Variants in SMU1 observed in about 807,000 individuals in gnomAD.
SMU1 encodes SMU1 DNA replication regulator and spliceosomal factor, also known as WD40 repeat-containing protein SMU1.
A neutral mutation model predicts 62.0 loss-of-function variants in SMU1; 2 were observed. The ratio of observed to expected loss-of-function variants is 0.03; its 90% CI spans 0.01 to 0.10. The LOEUF (loss-of-function observed/expected upper bound fraction) is 0.10. Ranked by LOEUF, SMU1 falls within the 10% of genes least tolerant of loss-of-function variation. The pLI, the probability that SMU1 is intolerant of heterozygous loss-of-function variation, is 1.00. For synonymous variants in SMU1, 188 were observed against 212.4 expected (o/e 0.89, Z 1.00); for missense variants, 227 against 622.1 (o/e 0.36, Z 6.76).
At chr9:33,070,180 C>T (rs1396609207) in intron 3 of SMU1, among the ~76,000 whole-genome samples, 1 of 151,930 alleles carries the variant, frequency 6.6e-6, no homozygotes, top group Non-Finnish European at 1.5e-5. Flanking sequence ...AACAACTCTA[C>T]GGGAAAAAAA....
chr9:33,075,143 G>A (rs1481779059), intron 1 of SMU1, among the ~76,000 whole-genome samples: 4 of 152,164 alleles, frequency 2.6e-5, no homozygotes, highest in Non-Finnish European at 4.4e-5. Flanking sequence ...TTGGAAGGCC[G>A]AGGCGGGCAG....
chr9:33,053,078 G>A (rs972252163), intron 10 of SMU1, 45 bp downstream of exon 10: 1 of 1,576,480 alleles, frequency 6.3e-7, no homozygotes, highest in Non-Finnish European at 8.7e-7. Context: ...GCTGATTTGG[G>A]AATGGCCCAC....
At position 33,044,892 on chromosome 9, in the gene SMU1, G is replaced by A. The variant is rs1839166983; in HGVS notation, c.*2401C>T. On this transcript the variant is annotated 3_prime_UTR_variant, in exon 12 of 12. Coordinates refer to ENST00000397149, the MANE Select transcript of SMU1 (RefSeq NM_018225.3). The stretch of plus-strand genomic sequence containing the variant: ...TCCCCGGTTAGGTTCCCTGTGCTTA[G>A]ACCGCCCCCTAGTCCCTCCAGGAAG... 6.6e-6 allele frequency: 1 copy of A among 152,220 alleles called. No individual in the cohort carries two copies. 9.4% of individuals were successfully genotyped at this position (152,220 alleles called of 1,614,324 possible).
intron 2 of SMU1, among the ~76,000 whole-genome samples, chr9:33,072,828 C>CA (rs768630155): frequency 0.13 from 10,936 of 81,500 alleles, 552 homozygotes; most frequent in Non-Finnish European, 0.18. Context: ...GACTCTGTCT[C>CA]AAAAAAAAAA....
chr9:33,073,383 C>T (rs1007715771), intron 2 of SMU1, among the ~76,000 whole-genome samples: 9 of 152,090 alleles, frequency 5.9e-5, no homozygotes, highest in African/African-American at 2.2e-4. Flanking sequence ...GGTAACAGAA[C>T]AAGATCCAGT....
rs1014680622 is a variant in SMU1 at position 33,064,384 on chromosome 9, T to G, written c.502-2207A>C. On this transcript the variant is annotated intron_variant, in intron 4 of 11. Coordinates refer to ENST00000397149, the MANE Select transcript of SMU1 (RefSeq NM_018225.3). ...GATAGATTATATTATCTCCCAGTGT[T>G]TTTCTATTATCTTAAAATATCTAAC... 2.0e-5 allele frequency among the ~76,000 whole-genome samples: 3 copies of G among 152,334 alleles called. No individual in the cohort carries two copies. The East Asian group carries it at 5.8e-4, about 29-fold the overall frequency.
chr9:33,070,419 C>T (rs1024760220), intron 3 of SMU1, among the ~76,000 whole-genome samples: 31 of 152,284 alleles, frequency 2.0e-4, no homozygotes, highest in African/African-American at 5.3e-4. Flanking sequence ...AAGGAACCCT[C>T]GTACACTATT....
At position 33,060,601 on chromosome 9, in the gene SMU1, A is replaced by C; in HGVS notation, c.631-17T>G. On this transcript the variant is annotated splice_polypyrimidine_tract_variant and intron_variant, in intron 5 of 11. Transcript: ENST00000397149. ...CTGACCAAACTGTTTCAAATGAAACAATGAAACAGATGCATTTTTATCTAG... is the reference window on the plus strand; with the variant it reads ...CTGACCAAACTGTTTCAAATGAAACCATGAAACAGATGCATTTTTATCTAG... The C allele has an allele frequency of 1.2e-6, 2 of 1,603,530 alleles. No homozygotes were observed. Among genetic ancestry groups the C allele is most frequent in the Non-Finnish European group, 1.7e-6 (2 of 1,177,774 alleles).
At chr9:33,056,286 T>C in intron 8 of SMU1, 47 bp from the exon 9 acceptor site, 1 of 1,561,768 alleles carries the variant, frequency 6.4e-7, no homozygotes, top group South Asian at 1.2e-5. Flanking sequence ...TTTAATATCT[T>C]ATGGTTGTGA....
intron 10 of SMU1, among the ~76,000 whole-genome samples, chr9:33,051,210 A>G (rs141849895): frequency 4.2e-4 from 64 of 152,328 alleles, no homozygotes; most frequent in Non-Finnish European, 8.1e-4. Context: ...TAAGAAGTCA[A>G]AATGAAAAAG....
intron 1 of SMU1, among the ~76,000 whole-genome samples, chr9:33,074,713 G>T (rs575767782): frequency 6.6e-6 from 1 of 151,774 alleles, no homozygotes; most frequent in Non-Finnish European, 1.5e-5. Flanking sequence ...GAAAAATCAG[G>T]ACTCAAACTG....
At chr9:33,056,030 A>G (rs1839300057) in intron 9 of SMU1, 83 bp downstream of exon 9, 1 of 1,383,794 alleles carries the variant, frequency 7.2e-7, no homozygotes, top group Non-Finnish European at 9.8e-7. Context: ...CAGCACAATC[A>G]TTCCCATTAT....
rs1839512852 is a variant in SMU1 at position 33,073,793 on chromosome 9, T to C, written c.40A>G (p.Ile14Val). The C allele has an allele frequency of 6.2e-7, 1 of 1,613,998 alleles. No homozygotes were observed. The highest frequency in any genetic ancestry group is 8.5e-7 in the Non-Finnish European group (1 of 1,179,986). The change falls in exon 2 of 12, where the codon ATT (isoleucine) becomes GTT (valine). Residue 14 changes from isoleucine to valine, a missense_variant. Physicochemically the swap from Ile to Val is conservative, Grantham distance 29. Coordinates refer to ENST00000397149, the MANE Select transcript of SMU1 (RefSeq NM_018225.3). ...EIESSDVIRL[I>V]MQYLKENSLH... is the part of the protein sequence containing the mutation. ...CTGTTCTCCTTCAAGTACTGCATAA[T>C]AAGGCGGATCACACTGAAAGAAAAC...
chr9:33,060,411 T>C (rs918985295), intron 6 of SMU1, 54 bp downstream of exon 6: 1 of 1,497,920 alleles, frequency 6.7e-7, no homozygotes, highest in African/African-American at 1.4e-5. Flanking sequence ...AGGTAAGTAA[T>C]TCAAAGCAGG....
chr9:33,053,351 G>A, intron 9 of SMU1, 61 bp from the exon 10 acceptor site: 3 of 1,487,976 alleles, frequency 2.0e-6, no homozygotes, highest in Non-Finnish European at 2.7e-6. Flanking sequence ...TAAAGTTTTA[G>A]GGTTTAAAAT....
rs2117886001 is a variant in SMU1 at position 33,073,871 on chromosome 9, T to C, written c.27-65A>G. ...CACCAGAGGTCAAAAATAAAGCCTA[T>C]CAAGCTCCTACTCAATCATCTTCCT... On this transcript the variant is annotated intron_variant, in intron 1 of 11. Coordinates refer to ENST00000397149, the MANE Select transcript of SMU1 (RefSeq NM_018225.3). 14 of 1,422,512 alleles carry C rather than the reference T, an allele frequency of 9.8e-6. 1 individual carries two copies. The highest frequency in any genetic ancestry group is 3.6e-5 in the South Asian group (3 of 82,554). The allele number at this position is 1,422,512 out of a possible 1,614,324, so 88.1% of individuals were successfully genotyped here.
chr9:33,056,858 G>A lies in SMU1; in HGVS notation c.974C>T (p.Ala325Val), dbSNP rs1839309634. The change falls in exon 8 of 12, where the codon GCT (alanine) becomes GTT (valine). Residue 325 changes from alanine (A) to valine (V), a missense_variant. Physicochemically the swap from Ala to Val is moderately conservative, Grantham distance 64. This residue lies in a region of SMU1 where 98 missense variants were observed against 195.9 expected (regional missense o/e 0.50). Coordinates refer to ENST00000397149, the MANE Select transcript of SMU1 (RefSeq NM_018225.3). ...FSKDSSQILS[A>V]SFDQTIRIHG... ...TTACCTAATTGTCTGGTCAAAAGAA[G>A]CACTAAGGATCTGACTGCTATCCTT... The A allele has an allele frequency of 6.2e-7, 1 of 1,611,968 alleles. No individual in the cohort carries two copies. Among genetic ancestry groups the A allele is most frequent in the African/African-American group, 1.3e-5 (1 of 74,750 alleles).
intron 10 of SMU1, among the ~76,000 whole-genome samples, chr9:33,051,348 T>TG (rs1395287310): frequency 6.6e-6 from 1 of 152,148 alleles, no homozygotes; most frequent in Non-Finnish European, 1.5e-5. Context: ...AGAGAATTTC[T>TG]GGGAAGTGAA....
intron 4 of SMU1, among the ~76,000 whole-genome samples, chr9:33,062,496 C>A (rs536576803): frequency 6.6e-6 from 1 of 152,154 alleles, no homozygotes; most frequent in Admixed American, 6.6e-5. Flanking sequence ...CAAACACACC[C>A]ACTATTAACA....
Sources: allele counts gnomAD v4.1 joint callset (sites outside exome capture counted in the v4.1 genomes callset), GRCh38; gene constraint gnomAD v4.1.1; regional missense constraint gnomAD v4.1.1; transcripts MANE v1.5; gene names NCBI Gene and HGNC (gene_info 2026-07-23, HGNC 2026-07-21).